The following REPS1 variants were observed in gnomAD, a reference collection of about 807,000 sequenced individuals.
REPS1 encodes the protein ralBP1-associated Eps domain-containing protein 1.
In REPS1, 39 loss-of-function variants were observed where a neutral mutation model predicts 100.9. That is an observed-to-expected ratio of 0.39 (90% CI 0.30 to 0.50). The LOEUF (loss-of-function observed/expected upper bound fraction) is 0.50. Among genes scored for constraint, REPS1 ranks in the 20% least tolerant of loss-of-function variants. The probability of loss-of-function intolerance (pLI) is 0.86; values close to 1 mark genes in which losing one functional copy is unlikely to be tolerated. For synonymous variants in REPS1, 324 were observed against 340.3 expected (o/e 0.95, Z 0.53); for missense variants, 821 against 968.5 (o/e 0.85, Z 2.02).
At chr6:138,936,415 T>C (rs1781841435) in intron 8 of REPS1, among the ~76,000 whole-genome samples, 1 of 152,148 alleles carries the variant, frequency 6.6e-6, no homozygotes, top group Non-Finnish European at 1.5e-5. Flanking sequence ...CCTTCAAGTA[T>C]TATCTGCCCT....
intron 1 of REPS1, among the ~76,000 whole-genome samples, chr6:138,967,251 A>T (rs1479787477): frequency 1.3e-5 from 2 of 152,234 alleles, no homozygotes. Context: ...TTTCATTACC[A>T]ATTACCCAGT....
rs1779534399 is a variant in REPS1 at position 138,904,964 on chromosome 6, A to G, written c.*100T>C. Reference sequence around the variant, plus strand: ...GGGCAAAACAGAATCATAAAATTTAATGTTGAGTTAAGCAGTGAGCTGAAT... The same window carrying G: ...GGGCAAAACAGAATCATAAAATTTAGTGTTGAGTTAAGCAGTGAGCTGAAT... On this transcript the variant is annotated 3_prime_UTR_variant, in exon 20 of 20. Coordinates refer to ENST00000450536, the MANE Select transcript of REPS1 (RefSeq NM_001286611.2). 4.8e-6 allele frequency: 4 copies of G among 832,324 alleles called. No individual in the cohort carries two copies. Among genetic ancestry groups the G allele is most frequent in the Admixed American group, 4.1e-5 (2 of 48,338 alleles). 51.6% of individuals were successfully genotyped at this position (832,324 alleles called of 1,614,324 possible).
At chr6:138,944,407 T>TA in intron 5 of REPS1, 91 bp downstream of exon 5, 1 of 1,421,010 alleles carries the variant, frequency 7.0e-7, no homozygotes, top group Admixed American at 2.2e-5. Context: ...TTTGCATTTA[T>TA]AAAATCTGCA....
chr6:138,914,886 GCAAGTACTAACTTGTTA>G, intron 14 of REPS1, 125 bp from the exon 15 acceptor site: 2 of 813,182 alleles, frequency 2.5e-6, no homozygotes, highest in Admixed American at 5.5e-5. Context: ...GTATTAGAAG[GCAAGTACTAACTTGTTA>G]CATGGTCTGT....
At chr6:138,962,605 C>T (rs1441312150) in intron 1 of REPS1, among the ~76,000 whole-genome samples, 2 of 151,974 alleles carry the variant, frequency 1.3e-5, no homozygotes, top group African/African-American at 4.8e-5. Flanking sequence ...TCTAAAATAC[C>T]TCTTCCCTTC....
At chr6:138,939,950 C>T (rs151114790) in intron 8 of REPS1, among the ~76,000 whole-genome samples, 1 of 152,226 alleles carries the variant, frequency 6.6e-6, no homozygotes, top group East Asian at 1.9e-4. Context: ...TCAACCTATT[C>T]GTTGATAAAA....
intron 1 of REPS1, among the ~76,000 whole-genome samples, 184 bp downstream of exon 1, chr6:138,987,346 C>G (rs993820952): frequency 2.0e-5 from 3 of 152,178 alleles, no homozygotes; most frequent in Non-Finnish European, 2.9e-5. Context: ...CTAAGGGCAA[C>G]CCCCTCCCCC....
At chr6:138,944,656 G>A (rs1433770329) in intron 4 of REPS1, 34 bp from the exon 5 acceptor site, 1 of 1,580,868 alleles carries the variant, frequency 6.3e-7, no homozygotes. Context: ...GCTGACTCAT[G>A]TTTGAGGAAA....
At chr6:138,939,746 G>A (rs1430521983) in intron 8 of REPS1, among the ~76,000 whole-genome samples, 2 of 152,168 alleles carry the variant, frequency 1.3e-5, no homozygotes, top group Non-Finnish European at 2.9e-5. Context: ...TATCATAGGT[G>A]TTTAACAAAG....
intron 1 of REPS1, among the ~76,000 whole-genome samples, chr6:138,984,577 A>G (rs967303485): frequency 2.6e-5 from 4 of 151,964 alleles, no homozygotes; most frequent in Admixed American, 1.3e-4. Context: ...ATGACAATCA[A>G]AATGTCTCTA....
At chr6:138,982,803 C>G (rs1446137369) in intron 1 of REPS1, among the ~76,000 whole-genome samples, 7 of 152,178 alleles carry the variant, frequency 4.6e-5, no homozygotes, top group African/African-American at 1.7e-4. Flanking sequence ...TATTCAAAAG[C>G]AACTGTAATG....
rs373729686 is a variant in REPS1 at position 138,975,695 on chromosome 6, G to A, written c.153+11835C>T. On this transcript the variant is annotated intron_variant, in intron 1 of 19. Transcript: ENST00000450536. ...TAAAAAATACAAAAATTAGCTGGGC[G>A]CAGTGGCAGGCGCCTGTAATCCCAG... 6.6e-5 allele frequency among the ~76,000 whole-genome samples: 10 copies of A among 152,200 alleles called. 1 individual carries two copies. Among genetic ancestry groups the A allele is most frequent in the African/African-American group, 9.6e-5 (4 of 41,520 alleles).
At chr6:138,953,374 G>A (rs1783166721) in intron 1 of REPS1, among the ~76,000 whole-genome samples, 1 of 152,022 alleles carries the variant, frequency 6.6e-6, no homozygotes, top group South Asian at 2.1e-4. Context: ...CTTCTGCACA[G>A]CAAAGAAAGC....
chr6:138,965,855 T>C (rs777926007), intron 1 of REPS1, among the ~76,000 whole-genome samples: 3 of 152,184 alleles, frequency 2.0e-5, no homozygotes, highest in Non-Finnish European at 4.4e-5. Flanking sequence ...TTTTCTTACA[T>C]TGAAACTTGA....
chr6:138,907,087 C>T (rs1283984366), intron 19 of REPS1, among the ~76,000 whole-genome samples: 2 of 152,196 alleles, frequency 1.3e-5, no homozygotes, highest in East Asian at 3.8e-4. Flanking sequence ...TCTCTTTCCA[C>T]ATGCAAGATG....
chr6:138,948,620 T>C (rs1782792707), intron 1 of REPS1, among the ~76,000 whole-genome samples: 2 of 152,192 alleles, frequency 1.3e-5, no homozygotes, highest in South Asian at 2.1e-4. Flanking sequence ...GGATTTCAGA[T>C]TACAAAATCA....
At position 138,905,149 on chromosome 6, in the gene REPS1, G is replaced by A; in HGVS notation, c.2323-17C>T. On this transcript the variant is annotated splice_polypyrimidine_tract_variant and intron_variant, in intron 19 of 19. Coordinates refer to ENST00000450536, the MANE Select transcript of REPS1 (RefSeq NM_001286611.2). ...AAGAACATCCTGAAAAAGATGCAAA[G>A]GCCAAGTTATGTTTCAAAGTATATA... is the stretch of plus-strand genomic sequence containing the variant. 6.7e-7 allele frequency: 1 copy of A among 1,484,054 alleles called. No individual in the cohort carries two copies. Among genetic ancestry groups the A allele is most frequent in the Non-Finnish European group, 9.4e-7 (1 of 1,061,930 alleles). 91.9% of individuals were successfully genotyped at this position (1,484,054 alleles called of 1,614,324 possible).
chr6:138,956,044 G>C (rs1225524906), intron 1 of REPS1, among the ~76,000 whole-genome samples: 1 of 152,146 alleles, frequency 6.6e-6, no homozygotes, highest in Admixed American at 6.5e-5. Context: ...AGAGCCAAGA[G>C]TTAACGCCTT....
At chr6:138,906,180 T>A (rs1353342607) in intron 19 of REPS1, among the ~76,000 whole-genome samples, 1 of 152,226 alleles carries the variant, frequency 6.6e-6, no homozygotes, top group Non-Finnish European at 1.5e-5. Context: ...TGGACTAAAT[T>A]AATAATCATA....
Sources: allele counts gnomAD v4.1 joint callset (sites outside exome capture counted in the v4.1 genomes callset), GRCh38; gene constraint gnomAD v4.1.1; transcripts MANE v1.5; gene names NCBI Gene and HGNC (gene_info 2026-07-23, HGNC 2026-07-21).